FA2H: variants seen among roughly 807,000 people sequenced by gnomAD.
FA2H encodes fatty acid 2-hydroxylase.
In FA2H, 22 loss-of-function variants were observed where a neutral mutation model predicts 44.9. The observed-to-expected ratio is 0.49, with a 90% confidence interval of 0.35 to 0.70. The LOEUF (loss-of-function observed/expected upper bound fraction) is 0.70, where lower values mean the gene tolerates loss of function less well. FA2H is among the 30% of genes least tolerant of loss of function. FA2H has a pLI of 0.01. For missense variants in FA2H, 501 were observed against 504.9 expected, an observed-to-expected ratio of 0.99 and a Z score of 0.07; for synonymous variants, 243 against 213.2, an observed-to-expected ratio of 1.14 and a Z score of -1.22.
intron 1 of FA2H, among the ~76,000 whole-genome samples, chr16:74,749,659 C>T (rs1962495674): frequency 6.6e-6 from 1 of 152,164 alleles, no homozygotes; most frequent in Non-Finnish European, 1.5e-5. Flanking sequence ...GGCAGGCAAC[C>T]CAGGACGTAG....
intron 2 of FA2H, among the ~76,000 whole-genome samples, chr16:74,730,620 G>A (rs1212251082): frequency 6.6e-6 from 1 of 152,112 alleles, no homozygotes; most frequent in Non-Finnish European, 1.5e-5. Context: ...GAACCAGCTG[G>A]TGGCCTGTGT....
intron 2 of FA2H, among the ~76,000 whole-genome samples, chr16:74,734,282 C>T (rs897281291): frequency 1.1e-4 from 16 of 152,202 alleles, no homozygotes; most frequent in East Asian, 1.9e-4. Flanking sequence ...CAGTGGAACC[C>T]GACGCTAGAG....
intron 2 of FA2H, among the ~76,000 whole-genome samples, chr16:74,731,907 C>T (rs575900201): frequency 6.6e-6 from 1 of 152,312 alleles, no homozygotes; most frequent in South Asian, 2.1e-4. Context: ...GGGACTTGCT[C>T]TGTTGCCCAA....
intron 2 of FA2H, among the ~76,000 whole-genome samples, chr16:74,736,597 G>A (rs1044588615): frequency 1.3e-5 from 2 of 152,234 alleles, no homozygotes; most frequent in Admixed American, 6.5e-5. Flanking sequence ...GGGAGTTTGG[G>A]GATGCCTGCT....
intron 1 of FA2H, among the ~76,000 whole-genome samples, chr16:74,761,035 T>A (rs757703235): frequency 2.0e-5 from 3 of 152,116 alleles, no homozygotes; most frequent in Non-Finnish European, 4.4e-5. Context: ...TGGGATGACC[T>A]GGGCAGCAAA....
At chr16:74,737,891 T>C (rs1453040765) in intron 2 of FA2H, among the ~76,000 whole-genome samples, 2 of 152,014 alleles carry the variant, frequency 1.3e-5, no homozygotes, top group African/African-American at 2.4e-5. Context: ...AGGGCTCAGG[T>C]TGGAGCACCG....
At chr16:74,724,092 G>A (rs1961897787) in intron 4 of FA2H, among the ~76,000 whole-genome samples, 1 of 152,038 alleles carries the variant, frequency 6.6e-6, no homozygotes, top group South Asian at 2.1e-4. Flanking sequence ...AGTAGAGACT[G>A]GGTTTCACCA....
At chr16:74,771,282 C>G (rs1597575771) in intron 1 of FA2H, among the ~76,000 whole-genome samples, 1 of 152,152 alleles carries the variant, frequency 6.6e-6, no homozygotes, top group East Asian at 1.9e-4. Context: ...CTTCTGCCTC[C>G]TGGGTTCAAA....
chr16:74,721,636 C>A (rs1961842170), intron 4 of FA2H, among the ~76,000 whole-genome samples: 1 of 152,210 alleles, frequency 6.6e-6, no homozygotes, highest in East Asian at 1.9e-4. Context: ...ACCCTAGACA[C>A]AGCCTGATGG....
chr16:74,728,172 C>A (rs972986983), intron 2 of FA2H, among the ~76,000 whole-genome samples: 1 of 152,240 alleles, frequency 6.6e-6, no homozygotes, highest in African/African-American at 2.4e-5. Flanking sequence ...GCCTGTAAAC[C>A]CTGCATTTTG....
intron 2 of FA2H, among the ~76,000 whole-genome samples, chr16:74,735,493 G>A (rs1962163313): frequency 6.6e-6 from 1 of 152,190 alleles, no homozygotes; most frequent in Non-Finnish European, 1.5e-5. Context: ...AGTGGATAGG[G>A]AGCAAAAATG....
At chr16:74,762,893 A>C (rs1380006528) in intron 1 of FA2H, among the ~76,000 whole-genome samples, 1 of 152,198 alleles carries the variant, frequency 6.6e-6, no homozygotes. Flanking sequence ...CTTGGGTCTA[A>C]GGAACAACTG....
At chr16:74,737,989 A>C (rs1231287477) in intron 2 of FA2H, among the ~76,000 whole-genome samples, 1 of 152,174 alleles carries the variant, frequency 6.6e-6, no homozygotes, top group Non-Finnish European at 1.5e-5. Context: ...TTTTTTGGAA[A>C]GTCAAAAGTG....
At chr16:74,719,958 A>G (rs1312642423) in intron 4 of FA2H, among the ~76,000 whole-genome samples, 1 of 152,042 alleles carries the variant, frequency 6.6e-6, no homozygotes, top group East Asian at 1.9e-4. Flanking sequence ...ACCTGAAATC[A>G]TAGCACAGGA....
At chr16:74,724,191 C>A (rs1597544406) in intron 4 of FA2H, among the ~76,000 whole-genome samples, 2 of 152,150 alleles carry the variant, frequency 1.3e-5, no homozygotes, top group Admixed American at 6.5e-5. Context: ...CGTGAGCCAC[C>A]GTGCCTGGCC....
Position 74,716,227 on chromosome 16 carries a change from A to G in FA2H, c.1039+120T>C, listed in dbSNP as rs1961692500. 5 of 1,135,484 alleles carry G rather than the reference A, an allele frequency of 4.4e-6. No homozygotes were observed. The South Asian group carries it at 6.0e-5, about 14-fold the overall frequency. 70.3% of individuals were successfully genotyped at this position (1,135,484 alleles called of 1,614,324 possible). ...TGCACCAGGGAAGAGAGTAGAGGGA[A>G]CCCTCTGTATATGCCCCGTACATGG... On this transcript the variant is annotated intron_variant, in intron 6 of 6. Transcript: ENST00000219368.
chr16:74,733,543 G>C (rs1332606062), intron 2 of FA2H, among the ~76,000 whole-genome samples: 6 of 152,152 alleles, frequency 3.9e-5, no homozygotes, highest in Non-Finnish European at 8.8e-5. Context: ...TGCACTGATA[G>C]GGTGTCCTTT....
intron 4 of FA2H, among the ~76,000 whole-genome samples, chr16:74,725,509 G>A (rs1341700764): frequency 6.6e-6 from 1 of 152,132 alleles, no homozygotes; most frequent in East Asian, 1.9e-4. Context: ...TTCATCCTCT[G>A]CCCCCCAGCT....
chr16:74,754,186 G>A (rs1962576044), intron 1 of FA2H, among the ~76,000 whole-genome samples: 1 of 152,152 alleles, frequency 6.6e-6, no homozygotes, highest in Non-Finnish European at 1.5e-5. Context: ...ACTTGAGGTC[G>A]GGAGTTCAAG....
Sources: allele counts gnomAD v4.1 joint callset (sites outside exome capture counted in the v4.1 genomes callset), GRCh38; gene constraint gnomAD v4.1.1; transcripts MANE v1.5; gene names NCBI Gene and HGNC (gene_info 2026-07-23, HGNC 2026-07-21).